CLEC2D: variants seen among roughly 807,000 people sequenced by gnomAD.
CLEC2D encodes the protein C-type lectin related f.
In CLEC2D, 16 loss-of-function variants were observed where a neutral mutation model predicts 20.0. That is an observed-to-expected ratio of 0.80 (90% confidence interval 0.54 to 1.22). The LOEUF (loss-of-function observed/expected upper bound fraction) is 1.22. CLEC2D is among the 50% of genes most tolerant of loss of function. The pLI is 0.00. For missense variants in CLEC2D, 207 were observed against 221.5 expected (o/e 0.93, Z 0.42); for synonymous variants, 77 against 71.1 (o/e 1.08, Z -0.42).
chr12:9,681,546 G>A (rs1174844581), intron 2 of CLEC2D, among the ~76,000 whole-genome samples: 1 of 152,060 alleles, frequency 6.6e-6, no homozygotes, highest in Non-Finnish European at 1.5e-5. Flanking sequence ...TTTAGTGATT[G>A]TACCCTAAAA....
In CLEC2D at chr12:9,681,981, A is replaced by G. The variant is rs115118088; in HGVS notation, c.172+948A>G. 3.7e-3 allele frequency among the ~76,000 whole-genome samples: 563 copies of G among 152,336 alleles called. 1 individual carries two copies. Among genetic ancestry groups the G allele is most frequent in the African/African-American group, 0.013 (545 of 41,582 alleles). On this transcript the variant is annotated intron_variant, in intron 2 of 4. Transcript: ENST00000290855. ...GAGACAATTTCTGTACTCTGTAAGT[A>G]CCTCAGTATTAATCAAGGGAATGTA...
chr12:9,675,255 G>T (rs1019242610), intron 1 of CLEC2D, among the ~76,000 whole-genome samples: 1 of 147,982 alleles, frequency 6.8e-6, no homozygotes, highest in Non-Finnish European at 1.5e-5. Context: ...GTGCAGTGGC[G>T]CAATCTCGGC....
At chr12:9,692,140 G>A (rs12823699) in intron 3 of CLEC2D, among the ~76,000 whole-genome samples, 9,208 of 151,528 alleles carry the variant, frequency 0.061, 321 homozygotes, top group Non-Finnish European at 0.084. Flanking sequence ...TCGTTCGTTC[G>A]TTCGTTTCTT....
intron 1 of CLEC2D, among the ~76,000 whole-genome samples, chr12:9,679,688 A>T (rs950947580): frequency 6.6e-5 from 10 of 152,190 alleles, no homozygotes; most frequent in African/African-American, 1.7e-4. Context: ...AAACTGATAA[A>T]AACTAAAATC....
intron 2 of CLEC2D, among the ~76,000 whole-genome samples, chr12:9,685,714 T>C (rs117584587): frequency 1.1e-3 from 163 of 152,294 alleles, no homozygotes; most frequent in Non-Finnish European, 2.1e-3. Context: ...CTCACCAAGC[T>C]TGAGCATCTG....
intron 4 of CLEC2D, chr12:9,693,520 T>G (rs1865910987): frequency 5.7e-6 from 1 of 176,844 alleles, no homozygotes; most frequent in Non-Finnish European, 1.2e-5. Flanking sequence ...GAAAAGCTAC[T>G]TTATTGTAAT....
chr12:9,686,747 A>T (rs1309458099), intron 2 of CLEC2D, among the ~76,000 whole-genome samples: 1 of 152,196 alleles, frequency 6.6e-6, no homozygotes, highest in Admixed American at 6.5e-5. Context: ...ATTCATCTCG[A>T]TCCCACATGA....
intron 1 of CLEC2D, 73 bp from the exon 2 acceptor site, chr12:9,680,850 T>C: frequency 2.7e-6 from 2 of 739,696 alleles, no homozygotes; most frequent in East Asian, 2.5e-5. Flanking sequence ...AAATAACATT[T>C]TGATGCTTAA....
At chr12:9,673,207 A>G (rs927480559) in intron 1 of CLEC2D, among the ~76,000 whole-genome samples, 36 of 151,714 alleles carry the variant, frequency 2.4e-4, no homozygotes, top group Admixed American at 6.6e-4. Flanking sequence ...GGATTTATCC[A>G]CCTTTGATCT....
At chr12:9,688,972 C>T (rs1454451510) in intron 3 of CLEC2D, among the ~76,000 whole-genome samples, 3 of 152,170 alleles carry the variant, frequency 2.0e-5, no homozygotes, top group Admixed American at 6.5e-5. Context: ...AACTATTTTC[C>T]ATACCCCATT....
chr12:9,692,771 C>G, intron 3 of CLEC2D, 57 bp from the exon 4 acceptor site: 3 of 1,185,240 alleles, frequency 2.5e-6, no homozygotes, highest in Non-Finnish European at 3.6e-6. Context: ...AGCAACATTT[C>G]TGGGAGAGGA....
At chr12:9,671,512 G>A (rs1277963506) in intron 1 of CLEC2D, among the ~76,000 whole-genome samples, 3 of 152,176 alleles carry the variant, frequency 2.0e-5, no homozygotes, top group African/African-American at 7.2e-5. Flanking sequence ...GAGCCACCGC[G>A]CCCGGCCGAG....
At chr12:9,675,191 C>CT (rs56363104) in intron 1 of CLEC2D, among the ~76,000 whole-genome samples, 124 of 130,198 alleles carry the variant, frequency 9.5e-4, no homozygotes, top group Middle Eastern at 4.0e-3. Flanking sequence ...TTGTCTATTC[C>CT]TTTTTTTTTT....
Position 9,695,082 on chromosome 12 carries a change from T to TGGGGA in CLEC2D, c.*209_*210insGGGAG. 1 of 581,042 alleles carries TGGGGA rather than the reference T, an allele frequency of 1.7e-6. No homozygotes were observed. The highest frequency in any genetic ancestry group is 3.1e-6 in the Non-Finnish European group (1 of 326,204). 36.0% of individuals were successfully genotyped at this position (581,042 alleles called of 1,614,324 possible). ...ATATTACCTGTTCTCCCACTGCTAA[T>TGGGGA]GACATACCCGAGACTGAGTAATTTA... On this transcript the variant is annotated 3_prime_UTR_variant, in exon 5 of 5. Transcript: ENST00000290855.
intron 1 of CLEC2D, among the ~76,000 whole-genome samples, chr12:9,672,488 C>T (rs150176436): frequency 6.6e-6 from 1 of 152,268 alleles, no homozygotes; most frequent in African/African-American, 2.4e-5. Context: ...GACCTTTCTC[C>T]CTGGCTGCCC....
Position 9,695,655 on chromosome 12 carries a change from C to A in CLEC2D, c.*781C>A. On this transcript the variant is annotated 3_prime_UTR_variant, in exon 5 of 5. Coordinates refer to ENST00000290855, the MANE Select transcript of CLEC2D (RefSeq NM_013269.6). Reference sequence around the variant, plus strand: ...TACAGCCAACGGTTTCTCTTGGGGGCTTTGAAATAACACCACCAGTGGACT... The same window carrying A: ...TACAGCCAACGGTTTCTCTTGGGGGATTTGAAATAACACCACCAGTGGACT... 3 of 1,575,762 alleles carry A rather than the reference C, an allele frequency of 1.9e-6. No individual in the cohort carries two copies. The highest frequency in any genetic ancestry group is 8.6e-7 in the Non-Finnish European group (1 of 1,157,336).
chr12:9,681,631 T>C (rs771685461), intron 2 of CLEC2D, among the ~76,000 whole-genome samples: 1 of 152,132 alleles, frequency 6.6e-6, no homozygotes. Flanking sequence ...AGCGAAGACA[T>C]AGAAAACTAC....
At chr12:9,694,617 CTAAT>C in intron 4 of CLEC2D, 139 bp from the exon 5 acceptor site, 2 of 610,392 alleles carry the variant, frequency 3.3e-6, no homozygotes, top group South Asian at 1.9e-5. Flanking sequence ...AGCCCACTGA[CTAAT>C]TAGTCACCAC....
At chr12:9,679,235 A>G (rs1023484001) in intron 1 of CLEC2D, among the ~76,000 whole-genome samples, 2 of 152,158 alleles carry the variant, frequency 1.3e-5, no homozygotes, top group South Asian at 4.1e-4. Flanking sequence ...AATAAGAAAA[A>G]TAGTTTTATT....
Sources: allele counts gnomAD v4.1 joint callset (sites outside exome capture counted in the v4.1 genomes callset), GRCh38; gene constraint gnomAD v4.1.1; transcripts MANE v1.5; gene names NCBI Gene and HGNC (gene_info 2026-07-23, HGNC 2026-07-21).